Variants in AGBL1 observed in about 807,000 individuals in gnomAD.
AGBL1 encodes AGBL carboxypeptidase 1.
A neutral mutation model predicts 118.9 loss-of-function variants in AGBL1; 130 were observed. That is an observed-to-expected ratio of 1.09 (90% CI 0.95 to 1.26). AGBL1 has a LOEUF of 1.26. AGBL1 is among the 50% of genes most tolerant of loss of function. AGBL1 has a pLI of 0.00. For missense variants in AGBL1, 1,584 were observed against 1,298.1 expected, an observed-to-expected ratio of 1.22 and a Z score of -3.38; for synonymous variants, 555 against 478.9, an observed-to-expected ratio of 1.16 and a Z score of -2.08.
intron 22 of AGBL1, among the ~76,000 whole-genome samples, chr15:86,864,260 A>C (rs2079596193): frequency 1.3e-5 from 2 of 152,154 alleles, no homozygotes; most frequent in Non-Finnish European, 2.9e-5. Flanking sequence ...TGTAGAAATA[A>C]ATATTAAACA....
At chr15:86,482,955 G>T (rs924215060) in intron 18 of AGBL1, among the ~76,000 whole-genome samples, 1 of 151,998 alleles carries the variant, frequency 6.6e-6, no homozygotes, top group African/African-American at 2.4e-5. Context: ...CATTCTGACA[G>T]GCTGGGAAAC....
chr15:86,666,692 C>T (rs6496349), intron 21 of AGBL1, among the ~76,000 whole-genome samples: 135,457 of 152,262 alleles, frequency 0.89, 60,426 homozygotes, highest in East Asian at 1. Context: ...TAAGTACTTA[C>T]ATAATATGCA....
chr15:86,677,118 G>A (rs2085862871), intron 22 of AGBL1, among the ~76,000 whole-genome samples: 1 of 152,172 alleles, frequency 6.6e-6, no homozygotes, highest in African/African-American at 2.4e-5. Flanking sequence ...GGAAGACAAA[G>A]TGTGGCTGCA....
At chr15:86,328,058 T>G (rs1054109490) in intron 17 of AGBL1, among the ~76,000 whole-genome samples, 1 of 152,242 alleles carries the variant, frequency 6.6e-6, no homozygotes, top group African/African-American at 2.4e-5. Context: ...TACATAATTT[T>G]CTGTTATTCT....
At chr15:86,190,916 T>C (rs2077709012) in intron 5 of AGBL1, among the ~76,000 whole-genome samples, 1 of 152,132 alleles carries the variant, frequency 6.6e-6, no homozygotes, top group Non-Finnish European at 1.5e-5. Context: ...AAGAAACAAA[T>C]GCAAATTTCC....
intron 22 of AGBL1, among the ~76,000 whole-genome samples, chr15:86,793,710 T>G (rs1287594279): frequency 6.6e-6 from 1 of 152,142 alleles, no homozygotes; most frequent in African/African-American, 2.4e-5. Flanking sequence ...TATTTGCAAA[T>G]CATACGTCTG....
At chr15:86,592,855 A>G (rs983907461) in intron 21 of AGBL1, among the ~76,000 whole-genome samples, 2 of 152,068 alleles carry the variant, frequency 1.3e-5, no homozygotes, top group African/African-American at 4.8e-5. Flanking sequence ...CCAACACCCA[A>G]TGGTTGCTTG....
intron 19 of AGBL1, among the ~76,000 whole-genome samples, chr15:86,542,465 C>T (rs1367485035): frequency 2.0e-5 from 3 of 149,106 alleles, no homozygotes; most frequent in East Asian, 2.0e-4. Flanking sequence ...CTCCCAGGTT[C>T]AAGCAATTCT....
chr15:86,935,017 A>G (rs1294488864), intron 23 of AGBL1: 1 of 152,180 alleles, frequency 6.6e-6, no homozygotes, highest in Non-Finnish European at 1.5e-5. Context: ...AAATGTAAAA[A>G]CTATAAAATA....
intron 22 of AGBL1, among the ~76,000 whole-genome samples, chr15:86,788,968 C>A (rs2078453909): frequency 6.6e-6 from 1 of 152,154 alleles, no homozygotes. Flanking sequence ...TGCTGGCAGG[C>A]AGTAGGGTTT....
At chr15:86,195,711 T>C (rs1474069494) in intron 5 of AGBL1, among the ~76,000 whole-genome samples, 1 of 152,190 alleles carries the variant, frequency 6.6e-6, no homozygotes, top group Non-Finnish European at 1.5e-5. Flanking sequence ...ATTGAGGACT[T>C]TTGGCAAAAC....
intron 5 of AGBL1, among the ~76,000 whole-genome samples, chr15:86,219,341 T>C (rs2078241806): frequency 6.6e-6 from 1 of 152,230 alleles, no homozygotes; most frequent in African/African-American, 2.4e-5. Flanking sequence ...AAATTACGTT[T>C]GGACCAACCT....
chr15:86,400,652 T>C (rs2081431104), intron 18 of AGBL1, among the ~76,000 whole-genome samples: 1 of 148,832 alleles, frequency 6.7e-6, no homozygotes, highest in Non-Finnish European at 1.5e-5. Context: ...TATATCATTC[T>C]CATGTCTTTG....
At chr15:86,726,033 T>C (rs910217855) in intron 22 of AGBL1, among the ~76,000 whole-genome samples, 5 of 152,330 alleles carry the variant, frequency 3.3e-5, no homozygotes, top group South Asian at 2.1e-4. Context: ...ATGAAGCCAA[T>C]GAACAGATAA....
chr15:87,011,530 C>T (rs1342765798), intron 24 of AGBL1, among the ~76,000 whole-genome samples: 2 of 152,116 alleles, frequency 1.3e-5, no homozygotes, highest in African/African-American at 4.8e-5. Flanking sequence ...AAATATTCCC[C>T]TTGTATTCCT....
At chr15:86,479,487 C>A (rs946611344) in intron 18 of AGBL1, among the ~76,000 whole-genome samples, 5 of 152,308 alleles carry the variant, frequency 3.3e-5, no homozygotes, top group African/African-American at 1.2e-4. Context: ...AAATGCTCAT[C>A]ATCACTGGCC....
At chr15:86,701,547 T>G (rs185955613) in intron 22 of AGBL1, among the ~76,000 whole-genome samples, 4 of 152,214 alleles carry the variant, frequency 2.6e-5, no homozygotes, top group Non-Finnish European at 5.9e-5. Flanking sequence ...AGGTTAAGAC[T>G]TGCTTTGTCT....
Position 86,271,684 on chromosome 15 carries a change from G to C in AGBL1, c.2053G>C (p.Gly685Arg). 1 of 1,613,192 alleles carries C rather than the reference G, an allele frequency of 6.2e-7. No individual in the cohort carries two copies. The highest frequency in any genetic ancestry group is 8.5e-7 in the Non-Finnish European group (1 of 1,179,218). Residue 685 changes from glycine to arginine, a missense_variant, in exon 15 of 23, where the codon GGC becomes CGC. Coordinates refer to ENST00000614907, the MANE Select transcript of AGBL1 (RefSeq NM_001386094.1). ...LLGKPTWIRT[G>R]HEICYYKNHY... The stretch of plus-strand genomic sequence containing the variant: ...TGGCAAACCCACCTGGATAAGGACA[G>C]GCCATGAAATATGTTATTACAAGTA...
In AGBL1 at chr15:86,264,671, G is replaced by A. The variant is rs755559236; in HGVS notation, c.1500G>A (p.Gln500=). 2.5e-6 allele frequency: 4 copies of A among 1,613,904 alleles called. No individual in the cohort carries two copies. The African/African-American group carries it at 4.0e-5, about 16-fold the overall frequency. ...TCAAAGTAATAGATAAGCTTCTGCA[G>A]ACACATCTGAAGCGTGTCCCTTTCC... ...EVVKVIDKLL[Q]THLKRVPFHD... Residue 500 remains glutamine (Q), a synonymous_variant, in exon 11 of 23, where the codon CAG becomes CAA. Coordinates refer to ENST00000614907, the MANE Select transcript of AGBL1 (RefSeq NM_001386094.1).
Sources: allele counts gnomAD v4.1 joint callset (sites outside exome capture counted in the v4.1 genomes callset), GRCh38; gene constraint gnomAD v4.1.1; transcripts MANE v1.5; gene names NCBI Gene and HGNC (gene_info 2026-07-23, HGNC 2026-07-21).